NXN: variants seen among roughly 807,000 people sequenced by gnomAD.
NXN encodes the protein nucleoredoxin, also known as nucleoredoxin 1.
NXN carries 16 observed loss-of-function variants against 48.6 expected under a neutral mutation model. The observed-to-expected ratio is 0.33, with a 90% CI of 0.22 to 0.50. The LOEUF (loss-of-function observed/expected upper bound fraction) is 0.50, where lower values mean the gene tolerates loss of function less well. NXN is among the 20% of genes least tolerant of loss of function. The probability of loss-of-function intolerance (pLI) is 0.98; values close to 1 mark genes in which losing one functional copy is unlikely to be tolerated. For synonymous variants in NXN, 281 were observed against 269.6 expected (o/e 1.04, Z -0.41); for missense variants, 492 against 605.5 (o/e 0.81, Z 1.97).
intron 1 of NXN, among the ~76,000 whole-genome samples, chr17:951,722 T>G (rs1597270388): frequency 6.7e-6 from 1 of 148,848 alleles, no homozygotes; most frequent in Non-Finnish European, 1.5e-5. Flanking sequence ...GGGCTGGGGG[T>G]GGGGGCCGGC....
intron 1 of NXN, among the ~76,000 whole-genome samples, chr17:972,234 A>G (rs1457954225): frequency 2.0e-5 from 3 of 151,372 alleles, no homozygotes; most frequent in Admixed American, 1.3e-4. Flanking sequence ...CCCAGAAGGC[A>G]GAGGTCACGG....
chr17:867,887 C>T (rs981258447), intron 1 of NXN, among the ~76,000 whole-genome samples: 2 of 150,746 alleles, frequency 1.3e-5, no homozygotes, highest in East Asian at 1.9e-4. Flanking sequence ...CAGAATGAGA[C>T]TCCAACTCAA....
intron 1 of NXN, chr17:959,214 C>A: frequency 9.6e-7 from 1 of 1,037,314 alleles, no homozygotes; most frequent in Admixed American, 3.1e-5. Flanking sequence ...CGTGTGTCAG[C>A]AGACAGGCCT....
chr17:935,651 G>A (rs967124442), intron 1 of NXN, among the ~76,000 whole-genome samples: 6 of 152,132 alleles, frequency 3.9e-5, no homozygotes, highest in African/African-American at 7.2e-5. Context: ...TGCAGAACAC[G>A]CCCAGGAATC....
In NXN at chr17:799,453, A is replaced by T. The variant is rs1911088390; in HGVS notation, c.*1496T>A. On this transcript the variant is annotated 3_prime_UTR_variant, in exon 8 of 8. Coordinates refer to ENST00000336868, the MANE Select transcript of NXN (RefSeq NM_022463.5). ...ACTAGTTGTACGCCTCTGAACTACA[A>T]GTCAACAATCCAATTCAGCAAGGAA... 1 of 152,266 alleles carries T rather than the reference A, an allele frequency of 6.6e-6. No homozygotes were observed. Among genetic ancestry groups the T allele is most frequent in the East Asian group, 1.9e-4 (1 of 5,198 alleles). 9.4% of individuals were successfully genotyped at this position (152,266 alleles called of 1,614,324 possible).
At chr17:868,202 A>G (rs1308991822) in intron 1 of NXN, among the ~76,000 whole-genome samples, 1 of 152,064 alleles carries the variant, frequency 6.6e-6, no homozygotes, top group South Asian at 2.1e-4. Flanking sequence ...TCCTTCACAC[A>G]TGGGATTCCC....
At chr17:865,097 A>C (rs1453358976) in intron 1 of NXN, among the ~76,000 whole-genome samples, 1 of 152,172 alleles carries the variant, frequency 6.6e-6, no homozygotes, top group East Asian at 1.9e-4. Flanking sequence ...AACTCCCAGA[A>C]GTCATCTTTC....
rs1162253023 is a variant in NXN, at chr17:825,211, T to A, written c.478+750A>T. Among the ~76,000 whole-genome samples the A allele has an allele frequency of 2.9e-5, 1 of 34,922 alleles. No homozygotes were observed. The highest frequency in any genetic ancestry group is 7.5e-4 in the South Asian group (1 of 1,340). 22.9% of individuals were successfully genotyped at this position (34,922 alleles called of 152,430 possible). A position where few individuals can be genotyped will look rare whatever the true frequency, so the allele number is the denominator to read the frequency against. On this transcript the variant is annotated intron_variant, in intron 2 of 7. Transcript: ENST00000336868. This position sits in a 1 kb window ranked among gnomAD's most constrained non-coding sequence, Gnocchi z 4.1. ...CGGCCTGGGCGACAGAGGGAGATAG[T>A]GTCTCAAGAGAAAAAAAAAAAAAAA...
intron 1 of NXN, among the ~76,000 whole-genome samples, chr17:933,627 C>T (rs2068876639): frequency 6.6e-6 from 1 of 152,002 alleles, no homozygotes; most frequent in African/African-American, 2.4e-5. Flanking sequence ...CCAAATGACT[C>T]ACACAGCTTA....
chr17:969,396 A>G (rs773177941), intron 1 of NXN, among the ~76,000 whole-genome samples: 4 of 152,206 alleles, frequency 2.6e-5, no homozygotes, highest in Admixed American at 6.6e-5. Flanking sequence ...CTACTATGGA[A>G]CACACTTTAA....
rs371412211 is a variant in NXN at position 871,180 on chromosome 17, G to A, written c.361-45102C>T. On this transcript the variant is annotated intron_variant, in intron 1 of 7. Coordinates refer to ENST00000336868, the MANE Select transcript of NXN (RefSeq NM_022463.5). ...CCGGCTATGCTTTTATTTTAAGCAC[G>A]GTGATCTTCGCAGCTCTCATTCTGG... Among the ~76,000 whole-genome samples the A allele has an allele frequency of 5.3e-4, 80 of 151,898 alleles. 4 individuals are homozygous for A. In the South Asian group the frequency reaches 0.016, roughly 30 times the overall value.
intron 1 of NXN, chr17:842,379 TA>T: frequency 2.9e-6 from 1 of 342,662 alleles, no homozygotes; most frequent in Non-Finnish European, 4.1e-6. Context: ...CATGAAAGGC[TA>T]AGAAATGGAA....
intron 1 of NXN, among the ~76,000 whole-genome samples, chr17:831,128 A>G (rs1255066848): frequency 6.6e-6 from 1 of 152,272 alleles, no homozygotes; most frequent in Non-Finnish European, 1.5e-5. Context: ...TCACAAATGG[A>G]AAAGGGCCAG....
intron 1 of NXN, among the ~76,000 whole-genome samples, chr17:873,482 G>T (rs1401045508): frequency 1.1e-5 from 1 of 92,992 alleles, no homozygotes; most frequent in Admixed American, 1.1e-4. Context: ...GGGAGACAGA[G>T]ACACTGTCTC....
chr17:944,568 G>A (rs1046125298), intron 1 of NXN, among the ~76,000 whole-genome samples: 6 of 152,210 alleles, frequency 3.9e-5, no homozygotes, highest in Non-Finnish European at 8.8e-5. Context: ...GTGGCAAATA[G>A]CTCTGAAGGA....
At chr17:951,345 A>G (rs539671204) in intron 1 of NXN, among the ~76,000 whole-genome samples, 1 of 135,160 alleles carries the variant, frequency 7.4e-6, no homozygotes, top group African/African-American at 2.6e-5. Flanking sequence ...GTGAGACTCC[A>G]TCTCGAAAAA....
Position 849,681 on chromosome 17 carries a change from C to G in NXN, c.361-23603G>C, listed in dbSNP as rs771079270. Reference sequence around the variant, plus strand: ...TGCCTCATCCCTTTACCTCCGCAGACAAGCAATCATCATTTCCTAAACGTG... The same window carrying G: ...TGCCTCATCCCTTTACCTCCGCAGAGAAGCAATCATCATTTCCTAAACGTG... On this transcript the variant is annotated intron_variant, in intron 1 of 7. Coordinates refer to ENST00000336868, the MANE Select transcript of NXN (RefSeq NM_022463.5). This position sits in a 1 kb window ranked among gnomAD's most constrained non-coding sequence, Gnocchi z 4.2. Among the ~76,000 whole-genome samples, 13 of 152,178 alleles carry G rather than the reference C, an allele frequency of 8.5e-5. No individual in the cohort carries two copies. The highest frequency in any genetic ancestry group is 1.8e-4 in the Non-Finnish European group (12 of 68,028).
At chr17:887,978 G>A (rs531207040) in intron 1 of NXN, among the ~76,000 whole-genome samples, 6 of 128,434 alleles carry the variant, frequency 4.7e-5, no homozygotes, top group Admixed American at 4.1e-4. Flanking sequence ...CAGCTCCCTC[G>A]TGTAAAACAG....
chr17:849,448 G>A lies in NXN; in HGVS notation c.361-23370C>T, dbSNP rs1259377175. 5.9e-5 allele frequency among the ~76,000 whole-genome samples: 9 copies of A among 152,222 alleles called. No homozygotes were observed. The highest frequency in any genetic ancestry group is 3.4e-3 in the Middle Eastern group (1 of 294). The stretch of plus-strand genomic sequence containing the variant: ...CTCAGGAGGCTGAGGCAGAAGAATT[G>A]CTTGAACCTGGGAGGCGGAGGTTGC... On this transcript the variant is annotated intron_variant, in intron 1 of 7. Coordinates refer to ENST00000336868, the MANE Select transcript of NXN (RefSeq NM_022463.5). The surrounding 1 kb of genome is among the most constrained non-coding windows in gnomAD (Gnocchi z 4.2).
Sources: allele counts gnomAD v4.1 joint callset (sites outside exome capture counted in the v4.1 genomes callset), GRCh38; gene constraint gnomAD v4.1.1; non-coding constraint Gnocchi (gnomAD v3.1); transcripts MANE v1.5; gene names NCBI Gene and HGNC (gene_info 2026-07-23, HGNC 2026-07-21).